The following CTSB variants were observed in gnomAD, a reference collection of about 807,000 sequenced individuals.
The protein encoded by CTSB is cathepsin B, also known as APP secretase.
In CTSB, 57 loss-of-function variants were observed where a neutral mutation model predicts 44.3. The ratio of observed to expected loss-of-function variants is 1.29; its 90% CI spans 1.04 to 1.60. CTSB has a LOEUF of 1.60. Ranked by LOEUF, CTSB falls within the 40% of genes most tolerant of loss-of-function variation. The pLI is 0.00. For synonymous variants in CTSB, 320 were observed against 168.0 expected, an observed-to-expected ratio of 1.91 and a Z score of -7.00; for missense variants, 768 against 443.0, an observed-to-expected ratio of 1.73 and a Z score of -6.59.
chr8:11,859,143 CAG>C (rs1307242630), intron 1 of CTSB, among the ~76,000 whole-genome samples: 1 of 152,096 alleles, frequency 6.6e-6, no homozygotes, highest in Admixed American at 6.6e-5. Context: ...TTAAAAAAAA[CAG>C]AAAAGGGTGC....
intron 1 of CTSB, among the ~76,000 whole-genome samples, chr8:11,865,164 T>A (rs1463905277): frequency 6.6e-6 from 1 of 152,008 alleles, no homozygotes; most frequent in Non-Finnish European, 1.5e-5. Context: ...CCCAACCATC[T>A]CCCTTTACAT....
intron 4 of CTSB, 95 bp from the exon 5 acceptor site, chr8:11,849,259 TG>T: frequency 2.4e-6 from 2 of 850,094 alleles, no homozygotes; most frequent in East Asian, 2.5e-5. Flanking sequence ...CCTCAGACCT[TG>T]TAGGCAACTG....
chr8:11,851,660 T>C (rs1228525289), intron 3 of CTSB, among the ~76,000 whole-genome samples: 6 of 152,132 alleles, frequency 3.9e-5, no homozygotes, highest in Non-Finnish European at 8.8e-5. Flanking sequence ...TCATTTCTCA[T>C]ATCATCCCCA....
At chr8:11,845,531 GA>G in intron 9 of CTSB, 129 bp downstream of exon 9, 1 of 1,144,010 alleles carries the variant, frequency 8.7e-7, no homozygotes, top group Non-Finnish European at 1.2e-6. Context: ...TGGCACTTAG[GA>G]GGAGCTCACA....
chr8:11,849,774 T>G (rs928034597), intron 4 of CTSB, among the ~76,000 whole-genome samples: 2 of 151,956 alleles, frequency 1.3e-5, no homozygotes, highest in Admixed American at 1.3e-4. Flanking sequence ...AGAGACAGGG[T>G]TTCACCATGT....
rs1563377351 is a variant in CTSB at position 11,845,611 on chromosome 8, G to GGT, written c.922+48_922+49dup. On this transcript the variant is annotated intron_variant, in intron 9 of 9. Transcript: ENST00000353047. Reference sequence around the variant, plus strand: ...ACAGAGAAAGCCGAGATGGCCACGGGGTGTGGCTCACAATTCACTGTTCTT... The same window carrying GGT: ...ACAGAGAAAGCCGAGATGGCCACGGGGTGTGTGGCTCACAATTCACTGTTCTT... 2.5e-6 allele frequency: 4 copies of GGT among 1,592,140 alleles called. No homozygotes were observed. In the Admixed American group the frequency reaches 5.1e-5, roughly 20 times the overall value.
chr8:11,851,174 G>C (rs1305601541), intron 3 of CTSB, among the ~76,000 whole-genome samples, 194 bp from the exon 4 acceptor site: 1 of 132,712 alleles, frequency 7.5e-6, no homozygotes, highest in Non-Finnish European at 1.6e-5. Flanking sequence ...TGCACCTTTT[G>C]ATTTTTTTTT....
chr8:11,844,005 C>T lies in CTSB; in HGVS notation c.*1120G>A, dbSNP rs1201896163. ...CTGAGAAGGCGCCACTGCACTCCAG[C>T]CTGGGAGACGGAATCTCACTCTGTC... On this transcript the variant is annotated 3_prime_UTR_variant, in exon 10 of 10. Transcript: ENST00000353047. The T allele has an allele frequency of 2.6e-5, 4 of 151,630 alleles. No individual in the cohort carries two copies. The highest frequency in any genetic ancestry group is 7.3e-5 in the African/African-American group (3 of 40,900). 9.4% of individuals were successfully genotyped at this position (151,630 alleles called of 1,614,324 possible).
intron 1 of CTSB, chr8:11,857,975 G>A (rs1411051252): frequency 6.6e-6 from 1 of 152,258 alleles, no homozygotes; most frequent in Admixed American, 6.5e-5. Context: ...CCTGCACTTG[G>A]AGTCAGGAGA....
intron 7 of CTSB, 132 bp from the exon 8 acceptor site, chr8:11,847,300 G>A: frequency 1.5e-6 from 1 of 677,850 alleles, no homozygotes; most frequent in South Asian, 1.7e-5. Context: ...CCCTGCCAGG[G>A]GAGCTCAAGG....
In CTSB at chr8:11,852,663, G is replaced by C. The variant is rs762673106; in HGVS notation, c.159C>G (p.Ser53Arg). 1.2e-5 allele frequency: 20 copies of C among 1,614,084 alleles called. 1 individual carries two copies. The highest frequency in any genetic ancestry group is 1.7e-5 in the Admixed American group (1 of 60,020). The change falls in exon 3 of 10, where the codon AGC (serine) becomes AGG (arginine). Residue 53 changes from serine to arginine, a missense_variant. Coordinates refer to ENST00000353047, the MANE Select transcript of CTSB (RefSeq NM_001908.5). The stretch of plus-strand genomic sequence containing the variant: ...AGGTACCACATAGCCTCTTCAAGTA[G>C]CTCATGTCCACGTTGTAGAAGTTGT... ...AGHNFYNVDMSYLKRLCGTFL... is the reference protein window; with the variant it reads ...AGHNFYNVDMRYLKRLCGTFL...
rs758729032 is a variant in CTSB at position 11,845,762 on chromosome 8, A to G, written c.821T>C (p.Met274Thr). 1.3e-5 allele frequency: 21 copies of G among 1,614,010 alleles called. No individual in the cohort carries two copies. Among genetic ancestry groups the G allele is most frequent in the Non-Finnish European group, 1.8e-5 (21 of 1,179,938 alleles). Residue 274 changes from methionine to threonine, a missense_variant, in exon 9 of 10, where the codon ATG (methionine) becomes ACG (threonine). Met to Thr is a moderately conservative substitution (Grantham distance 81). Transcript: ENST00000353047. ...SGVYQHVTGE[M>T]MGGHAIRILG... The stretch of plus-strand genomic sequence containing the variant: ...GATGCGGATGGCATGGCCACCCATC[A>G]TCTCTCCGGTGACGTGTTGGTACAC...
chr8:11,859,246 G>C (rs962175534), intron 1 of CTSB, among the ~76,000 whole-genome samples: 14 of 152,284 alleles, frequency 9.2e-5, no homozygotes, highest in African/African-American at 3.4e-4. Flanking sequence ...GTGCCAAAAA[G>C]AGTGTGCGGC....
chr8:11,866,885 T>G (rs956995576), intron 1 of CTSB, among the ~76,000 whole-genome samples: 3 of 152,184 alleles, frequency 2.0e-5, no homozygotes, highest in Non-Finnish European at 4.4e-5. Context: ...CTTACGTTCC[T>G]GAACGTTTGG....
intron 9 of CTSB, 39 bp from the exon 10 acceptor site, chr8:11,845,261 G>A (rs766059802): frequency 1.4e-5 from 20 of 1,475,522 alleles, no homozygotes; most frequent in Non-Finnish European, 1.9e-5. Context: ...AGTGTGACAA[G>A]GGTCAACCAA....
chr8:11,848,580 A>C, intron 5 of CTSB: 1 of 335,674 alleles, frequency 3.0e-6, no homozygotes, highest in Non-Finnish European at 5.9e-6. Flanking sequence ...TTAAGCCCTC[A>C]GGCATTTCGG....
Position 11,853,331 on chromosome 8 carries a change from G to A in CTSB, c.124C>T (p.Gln42Ter), listed in dbSNP as rs750586838. ...TAGGACGCAGCCCCACAGCCTACCT[G>A]CCACGTGGTATTCCGTTTGTTGACA... Reference protein sequence around the residue: ...NYVNKRNTTWQAGHNFYNVDM... With the variant: ...NYVNKRNTTW The change falls in exon 2 of 10, where the codon CAG (glutamine) becomes TAG (stop). Residue 42 changes from glutamine to a stop codon, truncating the protein, a stop_gained and splice_region_variant. Transcript: ENST00000353047. LOFTEE classifies it high-confidence loss of function. The A allele has an allele frequency of 1.2e-6, 2 of 1,613,252 alleles. No homozygotes were observed. The highest frequency in any genetic ancestry group is 1.3e-5 in the African/African-American group (1 of 74,702).
intron 1 of CTSB, among the ~76,000 whole-genome samples, chr8:11,860,846 G>T (rs905682392): frequency 6.6e-6 from 1 of 152,178 alleles, no homozygotes; most frequent in Non-Finnish European, 1.5e-5. Flanking sequence ...AATAACGGCA[G>T]TTGCTCCTGA....
At chr8:11,847,870 G>A (rs199765234) in intron 6 of CTSB, 48 bp from the exon 7 acceptor site, 6 of 1,540,392 alleles carry the variant, frequency 3.9e-6, no homozygotes, top group Middle Eastern at 1.8e-4. Flanking sequence ...CCCCCACGGA[G>A]AAGACCTGGG....
Sources: gnomAD v4.1 joint callset for allele counts (sites outside exome capture counted in the v4.1 genomes callset) on GRCh38, gnomAD v4.1.1 for gene constraint, MANE v1.5 for transcripts, NCBI Gene and HGNC (gene_info 2026-07-23, HGNC 2026-07-21) for gene names.